MAP3K20: variants seen among roughly 807,000 people sequenced by gnomAD.
The protein encoded by MAP3K20 is HCCS-4.
In MAP3K20, 40 loss-of-function variants were observed where a neutral mutation model predicts 85.7. The observed-to-expected ratio is 0.47, with a 90% CI of 0.36 to 0.61. The LOEUF (loss-of-function observed/expected upper bound fraction) is 0.61, where lower values mean the gene tolerates loss of function less well. MAP3K20 is among the 20% of genes least tolerant of loss of function. The pLI is 0.00. For synonymous variants in MAP3K20, 325 were observed against 327.7 expected (o/e 0.99, Z 0.09); for missense variants, 817 against 961.7 (o/e 0.85, Z 1.99).
intron 8 of MAP3K20, among the ~76,000 whole-genome samples, chr2:173,202,460 G>A (rs1221250939): frequency 6.6e-6 from 1 of 152,066 alleles, no homozygotes; most frequent in Non-Finnish European, 1.5e-5. Context: ...CAGAACTGTG[G>A]AATAAGTCTT....
chr2:173,077,349 CA>C (rs1371800292), intron 1 of MAP3K20, among the ~76,000 whole-genome samples: 1 of 126,448 alleles, frequency 7.9e-6, no homozygotes, highest in African/African-American at 3.0e-5. Flanking sequence ...CCTATCTCCA[CA>C]GTGAAATTTC....
At position 173,197,843 on chromosome 2, in the gene MAP3K20, G is replaced by A. The variant is rs1690900625; in HGVS notation, c.583-183G>A. 4 of 311,690 alleles carry A rather than the reference G, an allele frequency of 1.3e-5. No homozygotes were observed. The East Asian group carries it at 2.4e-4, about 19-fold the overall frequency. 19.3% of individuals were successfully genotyped at this position (311,690 alleles called of 1,614,324 possible). On this transcript the variant is annotated intron_variant, in intron 7 of 19. Transcript: ENST00000375213. ...AACCAGGTTTTTTCTTTATAAAAAA[G>A]AACGTAAAAAGTATTTAATATATAG...
intron 2 of MAP3K20, among the ~76,000 whole-genome samples, chr2:173,123,717 C>T (rs371324683): frequency 6.6e-6 from 1 of 152,224 alleles, no homozygotes; most frequent in East Asian, 1.9e-4. Context: ...CCCTAACTTT[C>T]ACATGAGAGA....
intron 2 of MAP3K20, among the ~76,000 whole-genome samples, chr2:173,111,865 C>T (rs1167515103): frequency 6.6e-6 from 1 of 152,058 alleles, no homozygotes; most frequent in Non-Finnish European, 1.5e-5. Flanking sequence ...TGTGATGCCT[C>T]CAGATTTATT....
At chr2:173,221,410 G>C in intron 11 of MAP3K20, 1 of 1,614,094 alleles carries the variant, frequency 6.2e-7, no homozygotes. Context: ...CCACATCTAA[G>C]AGAAGGGGGA....
At chr2:173,199,498 T>C (rs1197183353) in intron 8 of MAP3K20, among the ~76,000 whole-genome samples, 1 of 152,210 alleles carries the variant, frequency 6.6e-6, no homozygotes, top group Non-Finnish European at 1.5e-5. Flanking sequence ...AGGAAACACT[T>C]GTTTCTGTTG....
At chr2:173,252,712 C>T (rs1301829504) in intron 16 of MAP3K20, among the ~76,000 whole-genome samples, 1 of 152,176 alleles carries the variant, frequency 6.6e-6, no homozygotes, top group African/African-American at 2.4e-5. Flanking sequence ...ATTAGCACTC[C>T]CTGCAAATGC....
intron 2 of MAP3K20, among the ~76,000 whole-genome samples, chr2:173,102,762 A>G (rs1295383742): frequency 6.6e-6 from 1 of 152,238 alleles, no homozygotes; most frequent in Non-Finnish European, 1.5e-5. Flanking sequence ...AAACATGCCA[A>G]GCAGTGCTTC....
chr2:173,122,489 C>T (rs1333485002), intron 2 of MAP3K20, among the ~76,000 whole-genome samples: 1 of 152,138 alleles, frequency 6.6e-6, no homozygotes, highest in Non-Finnish European at 1.5e-5. Flanking sequence ...TTGGTGAAGG[C>T]TTGGAGGAGG....
intron 2 of MAP3K20, among the ~76,000 whole-genome samples, chr2:173,148,222 A>G (rs993350255): frequency 6.6e-6 from 1 of 152,122 alleles, no homozygotes. Flanking sequence ...GTTGGCTAAC[A>G]TTACATAATT....
chr2:173,237,539 A>G (rs1271562906), intron 14 of MAP3K20, among the ~76,000 whole-genome samples: 1 of 151,730 alleles, frequency 6.6e-6, no homozygotes, highest in East Asian at 1.9e-4. Context: ...GTACTTTTTT[A>G]CTCTCTCTGC....
At chr2:173,143,957 A>C (rs1689049863) in intron 2 of MAP3K20, among the ~76,000 whole-genome samples, 1 of 152,106 alleles carries the variant, frequency 6.6e-6, no homozygotes. Context: ...AAGACATACA[A>C]AACCTCTATG....
intron 2 of MAP3K20, chr2:173,159,934 A>C (rs2106238062): frequency 6.6e-6 from 1 of 152,314 alleles, no homozygotes; most frequent in East Asian, 1.9e-4. Flanking sequence ...GACTGCACAC[A>C]GTGAGTCGGC....
chr2:173,134,940 T>G (rs966288183), intron 2 of MAP3K20, among the ~76,000 whole-genome samples: 6 of 152,196 alleles, frequency 3.9e-5, no homozygotes, highest in African/African-American at 7.2e-5. Flanking sequence ...CGTGACTAGC[T>G]TAGTCCTCAG....
chr2:173,239,888 C>T (rs1684741554), intron 16 of MAP3K20, among the ~76,000 whole-genome samples: 1 of 152,138 alleles, frequency 6.6e-6, no homozygotes, highest in African/African-American at 2.4e-5. Flanking sequence ...CATGTGGAGA[C>T]CCAAATTATC....
chr2:173,195,192 A>T (rs1048254539), intron 7 of MAP3K20, among the ~76,000 whole-genome samples: 28 of 149,990 alleles, frequency 1.9e-4, no homozygotes, highest in East Asian at 1.0e-3. Context: ...TCTCTTTAAA[A>T]AAAAAAAAAA....
At chr2:173,238,638 T>A (rs3739102) in intron 15 of MAP3K20, among the ~76,000 whole-genome samples, 4 of 152,010 alleles carry the variant, frequency 2.6e-5, no homozygotes, top group Admixed American at 2.6e-4. Context: ...ATTAACAATT[T>A]GTTCATGATA....
chr2:173,239,746 A>G (rs1206553676), intron 16 of MAP3K20, among the ~76,000 whole-genome samples: 3 of 152,188 alleles, frequency 2.0e-5, no homozygotes, highest in Admixed American at 6.5e-5. Context: ...AACTCACAGT[A>G]AAGTATGGAC....
intron 16 of MAP3K20, among the ~76,000 whole-genome samples, chr2:173,252,657 C>T (rs185579468): frequency 6.6e-6 from 1 of 152,342 alleles, no homozygotes. Context: ...CTTCCCAGTG[C>T]CCACCTCCGC....
Sources: allele counts gnomAD v4.1 joint callset (sites outside exome capture counted in the v4.1 genomes callset), GRCh38; gene constraint gnomAD v4.1.1; transcripts MANE v1.5; gene names NCBI Gene and HGNC (gene_info 2026-07-23, HGNC 2026-07-21).